The following LARGE1 variants were observed in gnomAD, a reference collection of about 807,000 sequenced individuals.
LARGE1 encodes xylosyl- and glucuronyltransferase LARGE1.
LARGE1 carries 43 observed loss-of-function variants against 87.6 expected under a neutral mutation model. The ratio of observed to expected loss-of-function variants is 0.49; its 90% CI spans 0.38 to 0.63. LARGE1 has a LOEUF of 0.63. Ranked by LOEUF, LARGE1 falls within the 30% of genes least tolerant of loss-of-function variation. The pLI is 0.00. For synonymous variants in LARGE1, 434 were observed against 394.6 expected, an observed-to-expected ratio of 1.10 and a Z score of -1.18; for missense variants, 802 against 1,000.2, an observed-to-expected ratio of 0.80 and a Z score of 2.67.
At chr22:33,650,209 T>C (rs1264705981) in intron 3 of LARGE1, among the ~76,000 whole-genome samples, 158 bp downstream of exon 3, 3 of 152,176 alleles carry the variant, frequency 2.0e-5, no homozygotes, top group African/African-American at 4.8e-5. Flanking sequence ...TGTCAGACCA[T>C]TGAGCAAAGT....
At chr22:33,344,557 C>T (rs1043162735) in intron 9 of LARGE1, among the ~76,000 whole-genome samples, 1 of 152,096 alleles carries the variant, frequency 6.6e-6, no homozygotes, top group Admixed American at 6.6e-5. Flanking sequence ...GAAGTAGAGG[C>T]CAGCTTCTGT....
chr22:33,527,200 G>A (rs1229667346), intron 6 of LARGE1, among the ~76,000 whole-genome samples: 1 of 152,174 alleles, frequency 6.6e-6, no homozygotes, highest in African/African-American at 2.4e-5. Context: ...AGGTTGCAGT[G>A]AGCCGAGATC....
intron 3 of LARGE1, among the ~76,000 whole-genome samples, chr22:33,635,721 A>T (rs1190717025): frequency 6.6e-6 from 1 of 152,152 alleles, no homozygotes; most frequent in Non-Finnish European, 1.5e-5. Flanking sequence ...AGCCCACAGT[A>T]ATGGCCTCAA....
rs59182528 is a variant in LARGE1, at chr22:33,493,152, G to C, written c.788-60887C>G. Among the ~76,000 whole-genome samples the C allele has an allele frequency of 1.4e-3, 203 of 147,334 alleles. 2 individuals carry two copies. In the East Asian group the frequency reaches 0.032, roughly 23 times the overall value. On this transcript the variant is annotated intron_variant, in intron 6 of 14. Coordinates refer to ENST00000397394, the MANE Select transcript of LARGE1 (RefSeq NM_133642.5). ...AATGGATAGCTCTACAAGCATGGTGGCCTTTTTTTTTTTTTTTTTTTTTTT... is the reference window on the plus strand; with the variant it reads ...AATGGATAGCTCTACAAGCATGGTGCCCTTTTTTTTTTTTTTTTTTTTTTT...
intron 6 of LARGE1, among the ~76,000 whole-genome samples, chr22:33,548,576 T>A (rs577214474): frequency 2.3e-4 from 35 of 152,242 alleles, no homozygotes; most frequent in Middle Eastern, 6.8e-3. Context: ...CCACCACACC[T>A]GGCTAATTTT....
intron 9 of LARGE1, among the ~76,000 whole-genome samples, chr22:33,359,267 T>A (rs151318513): frequency 6.6e-6 from 1 of 152,072 alleles, no homozygotes; most frequent in Non-Finnish European, 1.5e-5. Flanking sequence ...CAGATGTGAG[T>A]TGGAATCTCA....
intron 11 of LARGE1, among the ~76,000 whole-genome samples, chr22:33,236,870 G>A (rs971504714): frequency 6.6e-6 from 1 of 152,174 alleles, no homozygotes; most frequent in African/African-American, 2.4e-5. Context: ...ACTTAAGTAA[G>A]CGTCCTGGGC....
At chr22:33,350,314 G>C (rs543084829) in intron 9 of LARGE1, among the ~76,000 whole-genome samples, 1 of 152,166 alleles carries the variant, frequency 6.6e-6, no homozygotes, top group Non-Finnish European at 1.5e-5. Flanking sequence ...AGTGTTAAGT[G>C]TCCTCAATGA....
At chr22:33,454,541 T>C (rs757559543) in intron 6 of LARGE1, among the ~76,000 whole-genome samples, 39 of 147,520 alleles carry the variant, frequency 2.6e-4, no homozygotes, top group Non-Finnish European at 4.7e-4. Context: ...ATTGCTTGAA[T>C]CCGGGAGGCG....
chr22:33,210,008 C>G (rs926240563), intron 11 of LARGE1, among the ~76,000 whole-genome samples: 2 of 152,226 alleles, frequency 1.3e-5, no homozygotes, highest in Non-Finnish European at 2.9e-5. Context: ...TTTCAAAACT[C>G]TCAGTACCCA....
intron 6 of LARGE1, among the ~76,000 whole-genome samples, chr22:33,493,618 C>A (rs1228359548): frequency 6.6e-6 from 1 of 152,166 alleles, no homozygotes; most frequent in Non-Finnish European, 1.5e-5. Flanking sequence ...CCCACCCCCA[C>A]AACAGCAGCA....
intron 6 of LARGE1, among the ~76,000 whole-genome samples, chr22:33,495,036 C>G (rs1056813752): frequency 2.6e-5 from 4 of 152,128 alleles, no homozygotes; most frequent in Non-Finnish European, 4.4e-5. Flanking sequence ...CCTCTATTCT[C>G]TCCCTGCAAT....
intron 2 of LARGE1, among the ~76,000 whole-genome samples, chr22:33,718,001 G>T (rs905193924): frequency 3.9e-5 from 6 of 152,008 alleles, no homozygotes; most frequent in African/African-American, 1.5e-4. Flanking sequence ...TAATCTCCAG[G>T]TTCCTGCCAT....
chr22:33,286,654 A>C (rs1486997064), intron 12 of LARGE1, among the ~76,000 whole-genome samples: 1 of 152,170 alleles, frequency 6.6e-6, no homozygotes, highest in Non-Finnish European at 1.5e-5. Context: ...ATTATTTTAG[A>C]ATACAATGCT....
At chr22:33,709,699 C>A (rs1466476919) in intron 2 of LARGE1, among the ~76,000 whole-genome samples, 1 of 150,694 alleles carries the variant, frequency 6.6e-6, no homozygotes, top group South Asian at 2.1e-4. Flanking sequence ...GATCTCAGCT[C>A]ACTGCAAGCT....
chr22:33,554,283 G>A (rs1215871273), intron 6 of LARGE1, among the ~76,000 whole-genome samples: 3 of 152,072 alleles, frequency 2.0e-5, no homozygotes, highest in Non-Finnish European at 4.4e-5. Context: ...CCCCTCTGCT[G>A]TCCCTGCAGG....
At chr22:33,589,978 T>C (rs1569295257) in intron 5 of LARGE1, among the ~76,000 whole-genome samples, 1 of 152,224 alleles carries the variant, frequency 6.6e-6, no homozygotes, top group African/African-American at 2.4e-5. Context: ...TGTAATTTTT[T>C]TGATGAACAC....
At chr22:33,403,576 G>T (rs1211023630) in intron 7 of LARGE1, among the ~76,000 whole-genome samples, 1 of 151,910 alleles carries the variant, frequency 6.6e-6, no homozygotes, top group Non-Finnish European at 1.5e-5. Context: ...ACTTGTTTTC[G>T]GTCTTACCTG....
At chr22:33,093,818 CTTTCTTTTTTTTTT>C in the LARGE1 span, among the ~76,000 whole-genome samples, 1 of 120,582 alleles carries the variant, frequency 8.3e-6, no homozygotes, top group Non-Finnish European at 1.7e-5. Flanking sequence ...TTTTTTCTTT[CTTTCTTTTTTTTTT>C]TTTTTTTTTT....
Sources: gnomAD v4.1 joint callset for allele counts (sites outside exome capture counted in the v4.1 genomes callset) on GRCh38, gnomAD v4.1.1 for gene constraint, MANE v1.5 for transcripts, NCBI Gene and HGNC (gene_info 2026-07-23, HGNC 2026-07-21) for gene names.